The following GRIA3 variants were observed in gnomAD, a reference collection of about 807,000 sequenced individuals.
GRIA3 encodes the protein glutamate receptor 3.
In GRIA3, 3 loss-of-function variants were observed where a neutral mutation model predicts 63.0. The observed-to-expected ratio is 0.05, with a 90% CI of 0.02 to 0.12. GRIA3 has a LOEUF of 0.12. Ranked by LOEUF, GRIA3 falls within the 10% of genes least tolerant of loss-of-function variation. The probability of loss-of-function intolerance (pLI) is 1.00; values close to 1 mark genes in which losing one functional copy is unlikely to be tolerated. For synonymous variants in GRIA3, 274 were observed against 257.9 expected (o/e 1.06, Z -0.60); for missense variants, 347 against 700.9 (o/e 0.50, Z 5.70).
intron 3 of GRIA3, among the ~76,000 whole-genome samples, chrX:123,286,971 T>C (rs1225951890): frequency 1.8e-5 from 2 of 111,266 alleles, no homozygotes; most frequent in Non-Finnish European, 1.9e-5. Context: ...AAAAAGAAAA[T>C]TTCAGGCCAA....
At chrX:123,391,828 T>C (rs928478722) in intron 5 of GRIA3, among the ~76,000 whole-genome samples, 1 of 112,320 alleles carries the variant, frequency 8.9e-6, no homozygotes, top group East Asian at 2.8e-4. Context: ...GGCCTGTAGG[T>C]AGCACATGCA....
At chrX:123,343,300 G>A (rs931477669) in intron 4 of GRIA3, among the ~76,000 whole-genome samples, 1 of 111,125 alleles carries the variant, frequency 9.0e-6, no homozygotes, top group Non-Finnish European at 1.9e-5. Context: ...CTCCCTGCCA[G>A]CAACAGTTCC....
At chrX:123,327,290 T>A (rs2044911976) in intron 4 of GRIA3, among the ~76,000 whole-genome samples, 1 of 112,214 alleles carries the variant, frequency 8.9e-6, no homozygotes, top group South Asian at 3.7e-4. Flanking sequence ...AAGAAATGTT[T>A]CACCCTAAAC....
intron 12 of GRIA3, among the ~76,000 whole-genome samples, chrX:123,458,566 A>G (rs1417231928): frequency 9.0e-6 from 1 of 111,260 alleles, no homozygotes; most frequent in East Asian, 2.9e-4. Flanking sequence ...GCTCAACAAA[A>G]TGGTTTTTAA....
At chrX:123,218,724 C>T (rs1333167271) in intron 2 of GRIA3, among the ~76,000 whole-genome samples, 1 of 111,421 alleles carries the variant, frequency 9.0e-6, no homozygotes, top group Non-Finnish European at 1.9e-5. Flanking sequence ...TCTTTGGGTT[C>T]CTTCTCCTTC....
At chrX:123,327,823 C>T (rs964668932) in intron 4 of GRIA3, among the ~76,000 whole-genome samples, 5 of 98,488 alleles carry the variant, frequency 5.1e-5, no homozygotes, top group African/African-American at 2.0e-4. Flanking sequence ...CTACCTGCCC[C>T]TTCCCCCCCA....
intron 3 of GRIA3, among the ~76,000 whole-genome samples, chrX:123,315,907 G>A (rs1013521304): frequency 9.1e-6 from 1 of 110,172 alleles, no homozygotes; most frequent in Non-Finnish European, 1.9e-5. Context: ...CAGGCACAGT[G>A]GCTCACACCT....
At chrX:123,439,252 A>G (rs905876447) in intron 12 of GRIA3, among the ~76,000 whole-genome samples, 1 of 111,973 alleles carries the variant, frequency 8.9e-6, no homozygotes, top group Non-Finnish European at 1.9e-5. Context: ...TCTGTTTTAA[A>G]TGGTTTAGAA....
chrX:123,447,299 A>C (rs183461009), intron 12 of GRIA3, among the ~76,000 whole-genome samples: 1 of 111,999 alleles, frequency 8.9e-6, no homozygotes, highest in African/African-American at 3.2e-5. Flanking sequence ...AAACAAAAAA[A>C]AACACAACAA....
At chrX:123,250,329 T>C (rs1231578676) in intron 2 of GRIA3, among the ~76,000 whole-genome samples, 3 of 112,097 alleles carry the variant, frequency 2.7e-5, no homozygotes, top group Non-Finnish European at 5.6e-5. Context: ...GATTAATTAA[T>C]TCTGCACCCC....
intron 4 of GRIA3, among the ~76,000 whole-genome samples, chrX:123,351,249 T>C (rs2045092334): frequency 9.0e-6 from 1 of 111,539 alleles, no homozygotes; most frequent in South Asian, 3.8e-4. Flanking sequence ...TCCCATTAAC[T>C]AGTTCCATTA....
intron 10 of GRIA3, among the ~76,000 whole-genome samples, chrX:123,413,747 C>T (rs73553789): frequency 0.012 from 1,284 of 110,229 alleles, 24 homozygotes; most frequent in African/African-American, 0.04. Context: ...GTTGAAACCA[C>T]AGGTAACAAT....
At chrX:123,189,554 T>A (rs938321427) in intron 2 of GRIA3, among the ~76,000 whole-genome samples, 1 of 112,544 alleles carries the variant, frequency 8.9e-6, no homozygotes, top group Non-Finnish European at 1.9e-5. Context: ...AGCACACAGA[T>A]CTCATATTCC....
intron 5 of GRIA3, chrX:123,358,851 T>G (rs762544494): frequency 8.9e-6 from 1 of 112,002 alleles, no homozygotes; most frequent in African/African-American, 3.2e-5. Flanking sequence ...GCATGTTATG[T>G]AAAGTGATTT....
intron 3 of GRIA3, among the ~76,000 whole-genome samples, chrX:123,293,396 G>T (rs2044667369): frequency 9.0e-6 from 1 of 111,458 alleles, no homozygotes; most frequent in East Asian, 2.8e-4. Flanking sequence ...TAAAGTAGAA[G>T]GTTTGAGGAA....
At chrX:123,280,159 T>C (rs908733096) in intron 3 of GRIA3, among the ~76,000 whole-genome samples, 3 of 111,586 alleles carry the variant, frequency 2.7e-5, no homozygotes, top group East Asian at 2.8e-4. Context: ...TAGCTCCAAA[T>C]AGGGCTCCCA....
intron 3 of GRIA3, among the ~76,000 whole-genome samples, chrX:123,280,316 C>T (rs1050758484): frequency 8.9e-5 from 10 of 112,251 alleles, no homozygotes; most frequent in Admixed American, 2.8e-4. Flanking sequence ...ATTTCACATT[C>T]ATCTTTTGCC....
intron 5 of GRIA3, among the ~76,000 whole-genome samples, chrX:123,369,420 T>A (rs954345014): frequency 8.9e-6 from 1 of 111,876 alleles, no homozygotes; most frequent in African/African-American, 3.2e-5. Context: ...ATGCCTACCA[T>A]TCATCCCTTT....
chrX:123,378,310 C>T (rs769207582), intron 5 of GRIA3, among the ~76,000 whole-genome samples: 1 of 111,616 alleles, frequency 9.0e-6, no homozygotes, highest in Non-Finnish European at 1.9e-5. Context: ...ACCTTCTTTC[C>T]TCTATTTTCC....
Sources: allele counts gnomAD v4.1 joint callset (sites outside exome capture counted in the v4.1 genomes callset), GRCh38; gene constraint gnomAD v4.1.1; transcripts MANE v1.5; gene names NCBI Gene and HGNC (gene_info 2026-07-23, HGNC 2026-07-21).